Variants in ZFAND3 observed in about 807,000 individuals in gnomAD.
ZFAND3 encodes zinc finger AN1-type containing 3.
ZFAND3 carries 10 observed loss-of-function variants against 29.6 expected under a neutral mutation model. The ratio of observed to expected loss-of-function variants is 0.34; its 90% CI spans 0.21 to 0.57. The LOEUF (loss-of-function observed/expected upper bound fraction) is 0.57, where lower values mean the gene tolerates loss of function less well. Among genes scored for constraint, ZFAND3 ranks in the 20% least tolerant of loss-of-function variants. The pLI is 0.86. For missense variants in ZFAND3, 230 were observed against 304.5 expected, an observed-to-expected ratio of 0.76 and a Z score of 1.82; for synonymous variants, 128 against 112.6, an observed-to-expected ratio of 1.14 and a Z score of -0.87.
intron 2 of ZFAND3, among the ~76,000 whole-genome samples, chr6:37,980,145 T>C (rs1762555099): frequency 7.2e-6 from 1 of 139,172 alleles, no homozygotes; most frequent in African/African-American, 2.6e-5. Flanking sequence ...TTGTTTCCCA[T>C]CTCTCAGAGG....
chr6:37,950,230 T>G lies in ZFAND3; in HGVS notation c.112+20231T>G, dbSNP rs185336574. On this transcript the variant is annotated intron_variant, in intron 2 of 5. Transcript: ENST00000287218. ...GGTTTTCTTCTGGGTTTTCATAGTT[T>G]TAGGTTTTACATTTAAGTCTTTAAT... Among the ~76,000 whole-genome samples the G allele has an allele frequency of 3.1e-4, 45 of 146,834 alleles. 1 individual carries two copies. Among genetic ancestry groups the G allele is most frequent in the African/African-American group, 1.0e-3 (42 of 40,482 alleles).
At chr6:38,097,582 C>T (rs1401619130) in intron 4 of ZFAND3, among the ~76,000 whole-genome samples, 1 of 152,134 alleles carries the variant, frequency 6.6e-6, no homozygotes, top group Non-Finnish European at 1.5e-5. Flanking sequence ...GACAGATCAT[C>T]CAGTTGCTTT....
chr6:37,957,457 A>G (rs1166621107), intron 2 of ZFAND3, among the ~76,000 whole-genome samples: 1 of 152,092 alleles, frequency 6.6e-6, no homozygotes, highest in Non-Finnish European at 1.5e-5. Flanking sequence ...GTAAGGATCA[A>G]AATAAATTAG....
intron 2 of ZFAND3, among the ~76,000 whole-genome samples, chr6:38,031,846 C>T (rs574522545): frequency 1.3e-5 from 2 of 150,836 alleles, no homozygotes; most frequent in African/African-American, 4.9e-5. Context: ...CCCCCCGCCC[C>T]ACGCTGTCCC....
Position 37,920,454 on chromosome 6 carries a change from A to G in ZFAND3, c.72-9505A>G, listed in dbSNP as rs528733057. Among the ~76,000 whole-genome samples the G allele has an allele frequency of 2.0e-5, 3 of 152,180 alleles. No individual in the cohort carries two copies. In the East Asian group the frequency reaches 5.8e-4, roughly 29 times the overall value. ...TGCTGGACTAAACTTTCAGTAATAT[A>G]TACAGGGCCACAGATGATAATGGGA... On this transcript the variant is annotated intron_variant, in intron 1 of 5. Transcript: ENST00000287218.
At chr6:38,022,995 A>G (rs187852826) in intron 2 of ZFAND3, among the ~76,000 whole-genome samples, 3 of 152,146 alleles carry the variant, frequency 2.0e-5, no homozygotes, top group Non-Finnish European at 4.4e-5. Context: ...AGCTTTAAGG[A>G]CAAAGAATGC....
intron 2 of ZFAND3, among the ~76,000 whole-genome samples, chr6:37,949,216 T>C (rs1041964642): frequency 2.6e-5 from 4 of 152,190 alleles, no homozygotes; most frequent in African/African-American, 9.7e-5. Context: ...ATTATTGACT[T>C]TGAGCATTTT....
At chr6:37,970,136 G>A (rs565498914) in intron 2 of ZFAND3, among the ~76,000 whole-genome samples, 24 of 151,806 alleles carry the variant, frequency 1.6e-4, no homozygotes, top group South Asian at 4.2e-4. Flanking sequence ...ATAAATAAAT[G>A]AATAAATGAA....
intron 2 of ZFAND3, among the ~76,000 whole-genome samples, chr6:37,956,466 C>T (rs537237970): frequency 6.6e-6 from 1 of 152,140 alleles, no homozygotes; most frequent in African/African-American, 2.4e-5. Context: ...TCACAGAGGT[C>T]ACAACCATCA....
At chr6:37,835,937 T>C (rs1763960462) in intron 1 of ZFAND3, among the ~76,000 whole-genome samples, 1 of 152,212 alleles carries the variant, frequency 6.6e-6, no homozygotes, top group African/African-American at 2.4e-5. Context: ...TCCTTCTTGA[T>C]GAGTATTATT....
In ZFAND3 at chr6:37,835,180, A is replaced by G. The variant is rs556509940; in HGVS notation, c.71+15164A>G. Among the ~76,000 whole-genome samples, 6 of 152,072 alleles carry G rather than the reference A, an allele frequency of 3.9e-5. No homozygotes were observed. In the South Asian group the frequency reaches 1.2e-3, roughly 32 times the overall value. On this transcript the variant is annotated intron_variant, in intron 1 of 5. Transcript: ENST00000287218. The stretch of plus-strand genomic sequence containing the variant: ...AGAGGTTTTTGTTTTGTTGTTGGAG[A>G]TAGAGTCTCACCACTCTCTCCCAGG...
intron 2 of ZFAND3, among the ~76,000 whole-genome samples, chr6:37,955,446 T>C (rs76576042): frequency 6.6e-6 from 1 of 152,314 alleles, no homozygotes; most frequent in Non-Finnish European, 1.5e-5. Flanking sequence ...CCTTTAGTGA[T>C]ATATGTGCCA....
chr6:37,902,674 T>C (rs1429481097), intron 1 of ZFAND3, among the ~76,000 whole-genome samples: 1 of 152,110 alleles, frequency 6.6e-6, no homozygotes, highest in Non-Finnish European at 1.5e-5. Flanking sequence ...AAAAAAGTAA[T>C]TTTAATTGAA....
chr6:37,864,105 T>C (rs1764542126), intron 1 of ZFAND3, among the ~76,000 whole-genome samples: 1 of 152,216 alleles, frequency 6.6e-6, no homozygotes, highest in African/African-American at 2.4e-5. Flanking sequence ...AAAGTTTGTG[T>C]AGGCCATGTG....
chr6:37,886,280 A>AAAAAAC (rs1561922411), intron 1 of ZFAND3, among the ~76,000 whole-genome samples: 31 of 128,934 alleles, frequency 2.4e-4, no homozygotes, highest in African/African-American at 8.2e-4. Flanking sequence ...AAAAAAAAAA[A>AAAAAAC]AGTTCAAAGA....
At chr6:37,963,559 TAAAC>T (rs1305799654) in intron 2 of ZFAND3, among the ~76,000 whole-genome samples, 1 of 150,658 alleles carries the variant, frequency 6.6e-6, no homozygotes, top group Non-Finnish European at 1.5e-5. Context: ...GTTTAAAAGT[TAAAC>T]AAAAGAGACA....
chr6:37,924,760 G>A (rs1761451494), intron 1 of ZFAND3, among the ~76,000 whole-genome samples: 1 of 151,902 alleles, frequency 6.6e-6, no homozygotes, highest in African/African-American at 2.4e-5. Flanking sequence ...GGTCAAGGCT[G>A]CAGTGAGCTA....
At chr6:37,984,243 AG>A (rs1762627908) in intron 2 of ZFAND3, among the ~76,000 whole-genome samples, 1 of 152,098 alleles carries the variant, frequency 6.6e-6, no homozygotes. Context: ...GTGACTCAAA[AG>A]TATAAAGGTC....
chr6:37,891,185 T>G (rs566950013), intron 1 of ZFAND3, among the ~76,000 whole-genome samples: 1 of 152,326 alleles, frequency 6.6e-6, no homozygotes, highest in Non-Finnish European at 1.5e-5. Context: ...TGTGACTGGC[T>G]TCTTTAACTT....
Sources: allele counts gnomAD v4.1 joint callset (sites outside exome capture counted in the v4.1 genomes callset), GRCh38; gene constraint gnomAD v4.1.1; transcripts MANE v1.5; gene names NCBI Gene and HGNC (gene_info 2026-07-23, HGNC 2026-07-21).